Variants in TMEM132B observed in about 807,000 individuals in gnomAD.
TMEM132B encodes the protein transmembrane protein 132B.
In TMEM132B, 18 loss-of-function variants were observed where a neutral mutation model predicts 90.8. The ratio of observed to expected loss-of-function variants is 0.20; its 90% CI spans 0.14 to 0.29. TMEM132B has a LOEUF of 0.29. Among genes scored for constraint, TMEM132B ranks in the 10% least tolerant of loss-of-function variants. The pLI is 1.00. For synonymous variants in TMEM132B, 504 were observed against 523.3 expected (o/e 0.96, Z 0.50); for missense variants, 1,096 against 1,326.8 (o/e 0.83, Z 2.70).
At position 125,402,251 on chromosome 12, in the gene TMEM132B, G is replaced by A. The variant is rs181850848; in HGVS notation, c.960-13280G>A. ...GTCACCCAGGCTGGAGTGCAGTGGC[G>A]TGATCTTGGCTCACTGCAACCTCCA... is the stretch of plus-strand genomic sequence containing the variant. On this transcript the variant is annotated intron_variant, in intron 2 of 8. Coordinates refer to ENST00000682704, the MANE Select transcript of TMEM132B (RefSeq NM_001366854.1). 2.3e-3 allele frequency among the ~76,000 whole-genome samples: 356 copies of A among 152,212 alleles called. 1 individual carries two copies. Among genetic ancestry groups the A allele is most frequent in the African/African-American group, 8.2e-3 (340 of 41,528 alleles).
chr12:125,224,380 G>A (rs184136400), intron 1 of TMEM132B, among the ~76,000 whole-genome samples: 53 of 152,252 alleles, frequency 3.5e-4, no homozygotes, highest in Admixed American at 3.1e-3. Context: ...TTTTTTAATC[G>A]TGAAAATTCA....
At chr12:125,640,940 A>C (rs1320611803) in intron 5 of TMEM132B, among the ~76,000 whole-genome samples, 1 of 122,634 alleles carries the variant, frequency 8.2e-6, no homozygotes, top group Non-Finnish European at 1.9e-5. Context: ...ACACACACAC[A>C]CACACACACA....
At chr12:125,238,589 G>C (rs1873995032) in intron 1 of TMEM132B, among the ~76,000 whole-genome samples, 1 of 152,142 alleles carries the variant, frequency 6.6e-6, no homozygotes, top group South Asian at 2.1e-4. Flanking sequence ...TGGTGCTTCT[G>C]TTTTCTGGGC....
At chr12:125,310,078 A>T (rs1259841961) in intron 1 of TMEM132B, among the ~76,000 whole-genome samples, 1 of 152,136 alleles carries the variant, frequency 6.6e-6, no homozygotes, top group African/African-American at 2.4e-5. Context: ...ACCAGGCAGG[A>T]GCTGCATTTC....
At chr12:125,452,885 A>G (rs1881191430) in intron 3 of TMEM132B, among the ~76,000 whole-genome samples, 1 of 152,136 alleles carries the variant, frequency 6.6e-6, no homozygotes, top group Non-Finnish European at 1.5e-5. Context: ...TTTATGTATC[A>G]AATATTATCT....
intron 4 of TMEM132B, among the ~76,000 whole-genome samples, chr12:125,582,776 T>C (rs1160592960): frequency 6.6e-6 from 1 of 152,216 alleles, no homozygotes; most frequent in African/African-American, 2.4e-5. Context: ...GATTGATTTA[T>C]TAAATTTTCA....
chr12:125,376,158 G>A (rs1047800332), intron 2 of TMEM132B, among the ~76,000 whole-genome samples: 3 of 152,126 alleles, frequency 2.0e-5, no homozygotes, highest in Non-Finnish European at 2.9e-5. Context: ...TTAAATGAGA[G>A]CCCACATCCC....
At chr12:125,250,822 G>A (rs920381046) in intron 1 of TMEM132B, among the ~76,000 whole-genome samples, 2 of 152,198 alleles carry the variant, frequency 1.3e-5, no homozygotes, top group African/African-American at 4.8e-5. Flanking sequence ...GAGCCTGCAG[G>A]CCCCTGCCCA....
intron 1 of TMEM132B, among the ~76,000 whole-genome samples, chr12:125,227,231 T>C (rs1337986742): frequency 6.6e-6 from 1 of 152,154 alleles, no homozygotes; most frequent in Non-Finnish European, 1.5e-5. Flanking sequence ...AGAGCCAGGT[T>C]CCATGGGGAT....
At chr12:125,508,714 G>T (rs1046277092) in intron 3 of TMEM132B, among the ~76,000 whole-genome samples, 8 of 151,460 alleles carry the variant, frequency 5.3e-5, no homozygotes, top group Non-Finnish European at 8.8e-5. Context: ...CAGAAGAAAA[G>T]TTTCCACTCA....
chr12:125,437,167 A>G (rs1423067994), intron 3 of TMEM132B, among the ~76,000 whole-genome samples: 1 of 152,118 alleles, frequency 6.6e-6, no homozygotes, highest in Admixed American at 6.5e-5. Flanking sequence ...CCTGGGAGGG[A>G]GCATGGGATT....
chr12:125,568,060 G>C (rs1035651637), intron 4 of TMEM132B, among the ~76,000 whole-genome samples: 1 of 152,046 alleles, frequency 6.6e-6, no homozygotes, highest in African/African-American at 2.4e-5. Context: ...GGCTTTCTCT[G>C]TCTCTAAGCT....
intron 5 of TMEM132B, among the ~76,000 whole-genome samples, chr12:125,596,273 A>T (rs918850418): frequency 6.6e-6 from 1 of 152,206 alleles, no homozygotes; most frequent in African/African-American, 2.4e-5. Context: ...CTCAGCTGAA[A>T]ACAATGGGAT....
chr12:125,491,470 C>T (rs1010744186), intron 3 of TMEM132B, among the ~76,000 whole-genome samples: 1 of 152,162 alleles, frequency 6.6e-6, no homozygotes. Flanking sequence ...AACCAAACTT[C>T]CTTCAAAGCC....
intron 3 of TMEM132B, among the ~76,000 whole-genome samples, chr12:125,517,327 ATTTTTT>A (rs56147854): frequency 7.0e-5 from 2 of 28,422 alleles, no homozygotes; most frequent in Non-Finnish European, 1.5e-4. Flanking sequence ...TGCCCTGCTG[ATTTTTT>A]TTTTTTTTTT....
intron 1 of TMEM132B, among the ~76,000 whole-genome samples, chr12:125,296,648 C>G (rs978041357): frequency 6.6e-6 from 1 of 152,218 alleles, no homozygotes; most frequent in Admixed American, 6.5e-5. Context: ...GCTTCTCTGC[C>G]GTATCTCAAA....
intron 5 of TMEM132B, among the ~76,000 whole-genome samples, chr12:125,625,399 C>T (rs1313782581): frequency 6.6e-6 from 1 of 152,180 alleles, no homozygotes; most frequent in African/African-American, 2.4e-5. Context: ...TCCCAAAGTG[C>T]TGGGATTACA....
At chr12:125,545,227 C>T (rs1177348553) in intron 4 of TMEM132B, among the ~76,000 whole-genome samples, 1 of 152,190 alleles carries the variant, frequency 6.6e-6, no homozygotes, top group Non-Finnish European at 1.5e-5. Context: ...TCAGAGACTG[C>T]TGAATGTTGT....
intron 3 of TMEM132B, among the ~76,000 whole-genome samples, chr12:125,427,231 A>G (rs139284427): frequency 3.3e-5 from 5 of 152,322 alleles, no homozygotes; most frequent in East Asian, 3.9e-4. Flanking sequence ...AGGACTTTTC[A>G]GGATTCATTG....
Sources: gnomAD v4.1 joint callset for allele counts (sites outside exome capture counted in the v4.1 genomes callset) on GRCh38, gnomAD v4.1.1 for gene constraint, MANE v1.5 for transcripts, NCBI Gene and HGNC (gene_info 2026-07-23, HGNC 2026-07-21) for gene names.